The following PLXDC2 variants were observed in gnomAD, a reference collection of about 807,000 sequenced individuals.
PLXDC2 encodes plexin domain containing 2.
PLXDC2 carries 40 observed loss-of-function variants against 68.9 expected under a neutral mutation model. That is an observed-to-expected ratio of 0.58 (90% confidence interval 0.45 to 0.76). PLXDC2 has a LOEUF of 0.76. Among genes scored for constraint, PLXDC2 ranks in the 30% least tolerant of loss-of-function variants. PLXDC2 has a pLI of 0.00. For synonymous variants in PLXDC2, 243 were observed against 234.2 expected, an observed-to-expected ratio of 1.04 and a Z score of -0.34; for missense variants, 644 against 661.9, an observed-to-expected ratio of 0.97 and a Z score of 0.30.
At chr10:19,819,550 G>A (rs964560760) in intron 1 of PLXDC2, among the ~76,000 whole-genome samples, 2 of 152,284 alleles carry the variant, frequency 1.3e-5, no homozygotes, top group East Asian at 1.9e-4. Flanking sequence ...AGACATGTTG[G>A]CACAGGAACA....
At chr10:20,062,792 A>G (rs1264552738) in intron 3 of PLXDC2, among the ~76,000 whole-genome samples, 2 of 152,174 alleles carry the variant, frequency 1.3e-5, no homozygotes, top group African/African-American at 2.4e-5. Flanking sequence ...TAAATTTATT[A>G]TAGGTATATG....
chr10:19,929,412 TTC>T (rs1833591651), intron 1 of PLXDC2, among the ~76,000 whole-genome samples: 1 of 152,088 alleles, frequency 6.6e-6, no homozygotes, highest in South Asian at 2.1e-4. Context: ...AGTAATTAGG[TTC>T]TGTTTCAGCA....
At chr10:20,206,699 G>A (rs1031296840) in intron 9 of PLXDC2, among the ~76,000 whole-genome samples, 1 of 152,128 alleles carries the variant, frequency 6.6e-6, no homozygotes, top group African/African-American at 2.4e-5. Context: ...CCAATTGCCA[G>A]AGAATCTTAC....
Position 20,050,694 on chromosome 10 carries a change from T to TAA in PLXDC2, c.471+3689_471+3690dup, listed in dbSNP as rs952496901. Among the ~76,000 whole-genome samples, 641 of 147,452 alleles carry TAA rather than the reference T, an allele frequency of 4.3e-3. 5 individuals carry two copies. The highest frequency in any genetic ancestry group is 0.016 in the African/African-American group (622 of 39,606). ...TATTAGAATGGCTATTATTAAAAAGTAAAAAAAAAAACAAAAACAAAACAA... is the reference window on the plus strand; with the variant it reads ...TATTAGAATGGCTATTATTAAAAAGTAAAAAAAAAAAAACAAAAACAAAACAA... On this transcript the variant is annotated intron_variant, in intron 3 of 13. Coordinates refer to ENST00000377252, the MANE Select transcript of PLXDC2 (RefSeq NM_032812.9).
intron 1 of PLXDC2, among the ~76,000 whole-genome samples, chr10:19,975,815 C>A (rs964372062): frequency 4.0e-5 from 6 of 151,890 alleles, no homozygotes; most frequent in African/African-American, 1.5e-4. Context: ...ACCAGCCTGG[C>A]CAACATGGTA....
At chr10:20,073,711 A>G (rs555918027) in intron 4 of PLXDC2, among the ~76,000 whole-genome samples, 4 of 152,294 alleles carry the variant, frequency 2.6e-5, no homozygotes, top group Admixed American at 2.6e-4. Context: ...CTAGAAACCT[A>G]GTTCTCTGTG....
chr10:20,163,083 T>C (rs1834327827), intron 6 of PLXDC2, among the ~76,000 whole-genome samples: 1 of 151,908 alleles, frequency 6.6e-6, no homozygotes, highest in Non-Finnish European at 1.5e-5. Flanking sequence ...ATAAAGTATA[T>C]CAGACTTGGA....
chr10:20,218,532 C>G (rs1301687267), intron 11 of PLXDC2, among the ~76,000 whole-genome samples: 1 of 151,876 alleles, frequency 6.6e-6, no homozygotes, highest in Admixed American at 6.6e-5. Context: ...GAAACATAAC[C>G]AGTAAAATAA....
chr10:20,218,986 A>G (rs1835175717), intron 11 of PLXDC2, 78 bp from the exon 12 acceptor site: 1 of 1,496,570 alleles, frequency 6.7e-7, no homozygotes, highest in Admixed American at 2.0e-5. Flanking sequence ...CAGTTAGTAG[A>G]CAATTACTAG....
chr10:19,867,064 CTTTTTTTTTTT>C lies in PLXDC2; in HGVS notation c.112+49883_112+49893del, dbSNP rs61651939. ...ATTGGAATTCGGTCCTCCTTTCCCT[CTTTTTTTTTTT>C]TTTTTTTTTGACAGAGTTTCCATCT... On this transcript the variant is annotated intron_variant, in intron 1 of 13. Transcript: ENST00000377252. Among the ~76,000 whole-genome samples the C allele has an allele frequency of 6.0e-3, 748 of 124,712 alleles. 7 individuals carry two copies. Among genetic ancestry groups the C allele is most frequent in the African/African-American group, 0.02 (657 of 32,960 alleles). 81.8% of individuals were successfully genotyped at this position (124,712 alleles called of 152,430 possible).
intron 4 of PLXDC2, among the ~76,000 whole-genome samples, chr10:20,122,955 G>C (rs1357760815): frequency 1.3e-5 from 2 of 152,294 alleles, no homozygotes; most frequent in Non-Finnish European, 2.9e-5. Context: ...CATGAGCTGG[G>C]CTGGATTTTT....
intron 2 of PLXDC2, among the ~76,000 whole-genome samples, chr10:20,019,380 G>T (rs1835265079): frequency 6.6e-6 from 1 of 152,146 alleles, no homozygotes; most frequent in Non-Finnish European, 1.5e-5. Context: ...TGTAGCTACT[G>T]ATTTGGGCAG....
intron 1 of PLXDC2, among the ~76,000 whole-genome samples, chr10:19,932,643 C>A (rs1011493133): frequency 5.3e-5 from 8 of 152,172 alleles, no homozygotes; most frequent in Non-Finnish European, 1.2e-4. Context: ...AGATAGCTCT[C>A]CATGCAAAAT....
At chr10:19,863,824 A>AT (rs5783703) in intron 1 of PLXDC2, among the ~76,000 whole-genome samples, 134,211 of 151,640 alleles carry the variant, frequency 0.89, 59,535 homozygotes, top group African/African-American at 0.97. Context: ...CTATTCAAAA[A>AT]TTTTTTAATA....
chr10:20,103,208 C>T (rs1192833181), intron 4 of PLXDC2, among the ~76,000 whole-genome samples: 2 of 151,980 alleles, frequency 1.3e-5, no homozygotes, highest in African/African-American at 2.4e-5. Context: ...ATTTTCAAAT[C>T]AATAGAAAAA....
chr10:20,051,395 AATATATATATAT>A (rs57093355), intron 3 of PLXDC2, among the ~76,000 whole-genome samples: 2,769 of 118,348 alleles, frequency 0.023, 77 homozygotes, highest in Non-Finnish European at 0.036. Context: ...ATAAAGGTTA[AATATATATATAT>A]ATATATATAT....
intron 4 of PLXDC2, 33 bp downstream of exon 4, chr10:20,068,272 A>G (rs749040323): frequency 6.5e-7 from 1 of 1,528,874 alleles, no homozygotes; most frequent in Non-Finnish European, 9.0e-7. Flanking sequence ...ACCTTAAGTA[A>G]TCTATGGTTT....
intron 9 of PLXDC2, among the ~76,000 whole-genome samples, chr10:20,201,751 G>A (rs1296752567): frequency 6.6e-6 from 1 of 152,002 alleles, no homozygotes; most frequent in African/African-American, 2.4e-5. Context: ...ATGTAAAATT[G>A]TCATATATCA....
At chr10:19,907,274 T>TA (rs920492179) in intron 1 of PLXDC2, among the ~76,000 whole-genome samples, 2 of 152,180 alleles carry the variant, frequency 1.3e-5, no homozygotes, top group African/African-American at 4.8e-5. Context: ...TAAACACTTT[T>TA]AAAAAAGCTT....
Sources: allele counts gnomAD v4.1 joint callset (sites outside exome capture counted in the v4.1 genomes callset), GRCh38; gene constraint gnomAD v4.1.1; transcripts MANE v1.5; gene names NCBI Gene and HGNC (gene_info 2026-07-23, HGNC 2026-07-21).